MORC3: variants seen among roughly 807,000 people sequenced by gnomAD.
The protein encoded by MORC3 is MORC family CW-type zinc finger protein 3.
A neutral mutation model predicts 109.1 loss-of-function variants in MORC3; 31 were observed. The observed-to-expected ratio is 0.28, with a 90% CI of 0.21 to 0.38. The LOEUF is 0.38. Among genes scored for constraint, MORC3 ranks in the 10% least tolerant of loss-of-function variants. MORC3 has a pLI of 1.00. For missense variants in MORC3, 867 were observed against 1,135.8 expected (o/e 0.76, Z 3.40); for synonymous variants, 395 against 380.7 (o/e 1.04, Z -0.44).
At chr21:36,337,079 T>G in intron 3 of MORC3, 73 bp downstream of exon 3, 1 of 1,530,364 alleles carries the variant, frequency 6.5e-7, no homozygotes. Context: ...ATACTTACTA[T>G]TCTTGGTTTT....
intron 12 of MORC3, 184 bp from the exon 13 acceptor site, chr21:36,361,999 A>G (rs931990112): frequency 1.5e-6 from 1 of 682,332 alleles, no homozygotes. Context: ...GGATGGAAAA[A>G]TTCAGGCTAA....
chr21:36,367,002 C>T (rs553430532), intron 14 of MORC3, among the ~76,000 whole-genome samples: 2 of 152,248 alleles, frequency 1.3e-5, no homozygotes, highest in South Asian at 2.1e-4. Context: ...AGTCTCCTAA[C>T]TTGGAAGCAT....
At chr21:36,373,428 A>C (rs1305424961) in intron 16 of MORC3, among the ~76,000 whole-genome samples, 1 of 152,070 alleles carries the variant, frequency 6.6e-6, no homozygotes, top group Non-Finnish European at 1.5e-5. Flanking sequence ...GTTCGAGACC[A>C]GCCTGACCAA....
At chr21:36,370,010 C>A in intron 15 of MORC3, 134 bp downstream of exon 15, 1 of 955,100 alleles carries the variant, frequency 1.0e-6, no homozygotes, top group Non-Finnish European at 1.6e-6. Context: ...GTGGGTCAGT[C>A]ACTTGAGGTC....
chr21:36,370,843 CT>C (rs2085858128), intron 15 of MORC3, among the ~76,000 whole-genome samples: 1 of 151,018 alleles, frequency 6.6e-6, no homozygotes, highest in South Asian at 2.1e-4. Flanking sequence ...TAATTTTTGT[CT>C]TTTTATTAGA....
At chr21:36,337,240 G>C (rs1030834941) in intron 3 of MORC3, among the ~76,000 whole-genome samples, 4 of 152,126 alleles carry the variant, frequency 2.6e-5, no homozygotes, top group African/African-American at 9.7e-5. Flanking sequence ...TTCCTTTAGA[G>C]TTGTAGTATA....
chr21:36,362,555 A>G (rs1403985169), intron 13 of MORC3, among the ~76,000 whole-genome samples: 2 of 151,928 alleles, frequency 1.3e-5, no homozygotes, highest in African/African-American at 2.4e-5. Context: ...AAAAATAAAT[A>G]AAATAGGGAT....
chr21:36,326,987 C>T (rs915872341), intron 1 of MORC3, among the ~76,000 whole-genome samples: 7 of 150,730 alleles, frequency 4.6e-5, no homozygotes, highest in Admixed American at 2.7e-4. Context: ...GGCTAATTTT[C>T]GTATTTTTAG....
intron 1 of MORC3, among the ~76,000 whole-genome samples, chr21:36,324,266 A>G (rs563888893): frequency 6.6e-6 from 1 of 151,658 alleles, no homozygotes; most frequent in African/African-American, 2.4e-5. Context: ...ATTGCTAGAT[A>G]CATTAACTGT....
chr21:36,337,715 C>G lies in MORC3; in HGVS notation c.246-17C>G. The G allele has an allele frequency of 1.3e-6, 2 of 1,517,674 alleles. No individual in the cohort carries two copies. Among genetic ancestry groups the G allele is most frequent in the East Asian group, 4.7e-5 (2 of 42,518 alleles). The allele number at this position is 1,517,674 out of a possible 1,614,324, so 94.0% of individuals were successfully genotyped here. Reference sequence around the variant, plus strand: ...ATTATAGGTATTTATTTTTAAAAATCTTTATTTTCTTCTTAGCTTTGGCTT... The same window carrying G: ...ATTATAGGTATTTATTTTTAAAAATGTTTATTTTCTTCTTAGCTTTGGCTT... On this transcript the variant is annotated splice_polypyrimidine_tract_variant and intron_variant, in intron 3 of 16. Transcript: ENST00000400485.
In MORC3 at chr21:36,369,522, T is replaced by C; in HGVS notation, c.2154T>C (p.His718=). ...AAGAGAATTATAAAAGACAGTGTCA[T>C]ATGTTTACTGATCAAATCAAAGTGT... ...EEKENYKRQC[H]MFTDQIKVLQ... Residue 718 remains histidine (H), a synonymous_variant, in exon 15 of 17, where the codon CAT becomes CAC. Coordinates refer to ENST00000400485, the MANE Select transcript of MORC3 (RefSeq NM_015358.3). 1 of 1,614,172 alleles carries C rather than the reference T, an allele frequency of 6.2e-7. No homozygotes were observed. The highest frequency in any genetic ancestry group is 1.3e-5 in the African/African-American group (1 of 75,038).
chr21:36,324,159 G>A (rs973135192), intron 1 of MORC3, among the ~76,000 whole-genome samples: 3 of 152,158 alleles, frequency 2.0e-5, no homozygotes, highest in Non-Finnish European at 4.4e-5. Flanking sequence ...ACAGGCATGA[G>A]GCACCGAGCC....
At chr21:36,354,323 C>CTTTTTTTTTTT (rs144208712) in intron 9 of MORC3, among the ~76,000 whole-genome samples, 5 of 113,654 alleles carry the variant, frequency 4.4e-5, no homozygotes, top group Non-Finnish European at 6.8e-5. Context: ...TTCTTTCTTT[C>CTTTTTTTTTTT]TTTTTTTTTT....
chr21:36,373,532 A>C (rs2085894254), intron 16 of MORC3, among the ~76,000 whole-genome samples: 1 of 152,058 alleles, frequency 6.6e-6, no homozygotes, highest in South Asian at 2.1e-4. Flanking sequence ...CTGAGGCAGG[A>C]GAATCGCTTG....
Position 36,375,380 on chromosome 21 carries a change from T to C in MORC3, c.*84T>C. The stretch of plus-strand genomic sequence containing the variant: ...AATATAATTAATTTTGTTTTATAGA[T>C]ATGATAGGCAACAGACTGAAAACCA... On this transcript the variant is annotated 3_prime_UTR_variant, in exon 17 of 17. Coordinates refer to ENST00000400485, the MANE Select transcript of MORC3 (RefSeq NM_015358.3). The C allele has an allele frequency of 7.9e-7, 1 of 1,259,138 alleles. No homozygotes were observed. Among genetic ancestry groups the C allele is most frequent in the Non-Finnish European group, 1.1e-6 (1 of 918,518 alleles). 78.0% of individuals were successfully genotyped at this position (1,259,138 alleles called of 1,614,324 possible).
At chr21:36,372,615 G>C (rs560036319) in intron 16 of MORC3, 84 bp downstream of exon 16, 1 of 1,326,210 alleles carries the variant, frequency 7.5e-7, no homozygotes, top group South Asian at 1.8e-5. Flanking sequence ...CCATCAAATA[G>C]ATACTGTTCT....
At chr21:36,329,351 T>C (rs1008606516) in intron 1 of MORC3, among the ~76,000 whole-genome samples, 2 of 152,062 alleles carry the variant, frequency 1.3e-5, no homozygotes, top group African/African-American at 4.8e-5. Flanking sequence ...CATTCAAAGC[T>C]GTCCTGGGCC....
intron 8 of MORC3, 142 bp downstream of exon 8, chr21:36,345,173 C>T: frequency 1.1e-6 from 1 of 902,142 alleles, no homozygotes; most frequent in Non-Finnish European, 1.6e-6. Flanking sequence ...AAAAATAACA[C>T]TGTGGTATTT....
intron 13 of MORC3, 141 bp downstream of exon 13, chr21:36,362,369 C>T (rs777741746): frequency 1.8e-5 from 16 of 896,200 alleles, no homozygotes; most frequent in Non-Finnish European, 2.4e-5. Flanking sequence ...ATGGTGAAAC[C>T]CTGTCTCTAC....
Sources: gnomAD v4.1 joint callset for allele counts (sites outside exome capture counted in the v4.1 genomes callset) on GRCh38, gnomAD v4.1.1 for gene constraint, MANE v1.5 for transcripts, NCBI Gene and HGNC (gene_info 2026-07-23, HGNC 2026-07-21) for gene names.